MCHR2: variants seen among roughly 807,000 people sequenced by gnomAD.
MCHR2 encodes melanin concentrating hormone receptor 2, also known as melanin-concentrating hormone receptor 2.
In MCHR2, 15 loss-of-function variants were observed where a neutral mutation model predicts 24.8. That is an observed-to-expected ratio of 0.60 (90% confidence interval 0.40 to 0.93). The LOEUF is 0.93. Ranked by LOEUF, MCHR2 falls within the 40% of genes least tolerant of loss-of-function variation. The probability of loss-of-function intolerance (pLI) is 0.00; values close to 1 mark genes in which losing one functional copy is unlikely to be tolerated. For missense variants in MCHR2, 386 were observed against 408.7 expected, an observed-to-expected ratio of 0.94 and a Z score of 0.48; for synonymous variants, 151 against 147.6, an observed-to-expected ratio of 1.02 and a Z score of -0.17.
At chr6:99,957,984 A>G (rs891605897) in intron 1 of MCHR2, among the ~76,000 whole-genome samples, 1 of 152,098 alleles carries the variant, frequency 6.6e-6, no homozygotes, top group Non-Finnish European at 1.5e-5. Context: ...AGATGATAAC[A>G]TACTACTTCT....
At chr6:99,930,228 C>T (rs1435612279) in intron 5 of MCHR2, among the ~76,000 whole-genome samples, 1 of 152,096 alleles carries the variant, frequency 6.6e-6, no homozygotes, top group East Asian at 1.9e-4. Context: ...TGATGGGCTT[C>T]CCTTTGTGGG....
chr6:99,972,369 C>G (rs1775444355), intron 1 of MCHR2, among the ~76,000 whole-genome samples: 2 of 152,192 alleles, frequency 1.3e-5, no homozygotes, highest in Non-Finnish European at 2.9e-5. Flanking sequence ...GTAGTATTCT[C>G]TGATGGTAGT....
At chr6:99,993,546 G>A (rs114428423) in intron 1 of MCHR2, among the ~76,000 whole-genome samples, 1,848 of 152,030 alleles carry the variant, frequency 0.012, 54 homozygotes, top group East Asian at 0.12. Flanking sequence ...CCTCGCCTTC[G>A]CCACTTCAGT....
intron 1 of MCHR2, among the ~76,000 whole-genome samples, chr6:99,965,684 A>C (rs185421415): frequency 4.6e-4 from 70 of 152,262 alleles, no homozygotes; most frequent in South Asian, 1.2e-3. Flanking sequence ...TTTTTTAAGC[A>C]CTTCTATAAG....
chr6:99,954,162 G>C (rs1775016184), intron 2 of MCHR2, among the ~76,000 whole-genome samples: 1 of 152,082 alleles, frequency 6.6e-6, no homozygotes, highest in Non-Finnish European at 1.5e-5. Flanking sequence ...GGAGGAAATA[G>C]CCTTGGATTC....
At chr6:99,968,893 T>G (rs943746792) in intron 1 of MCHR2, among the ~76,000 whole-genome samples, 2 of 152,030 alleles carry the variant, frequency 1.3e-5, no homozygotes, top group African/African-American at 4.8e-5. Context: ...CAGATAAGTC[T>G]GAAGGGAAAT....
chr6:99,977,333 A>G (rs1775570511), intron 1 of MCHR2, among the ~76,000 whole-genome samples: 1 of 152,192 alleles, frequency 6.6e-6, no homozygotes, highest in African/African-American at 2.4e-5. Context: ...GATTCTTAGG[A>G]AACCTCCAGT....
intron 2 of MCHR2, among the ~76,000 whole-genome samples, chr6:99,949,319 G>C (rs1336412800): frequency 6.6e-6 from 1 of 152,064 alleles, no homozygotes; most frequent in Non-Finnish European, 1.5e-5. Context: ...ACAAGTACAA[G>C]GACAAGAAGC....
intron 5 of MCHR2, among the ~76,000 whole-genome samples, chr6:99,931,157 C>T (rs189417166): frequency 2.2e-3 from 341 of 152,286 alleles, no homozygotes; most frequent in African/African-American, 7.8e-3. Context: ...ACCGGATTTT[C>T]GTGAACCGCG....
intron 5 of MCHR2, among the ~76,000 whole-genome samples, chr6:99,927,813 T>C (rs1052277543): frequency 6.6e-6 from 1 of 152,200 alleles, no homozygotes; most frequent in Non-Finnish European, 1.5e-5. Context: ...CTTTTCCTAA[T>C]TGAATACACT....
intron 1 of MCHR2, among the ~76,000 whole-genome samples, chr6:99,957,447 C>T (rs2114543933): frequency 6.6e-6 from 1 of 152,146 alleles, no homozygotes; most frequent in African/African-American, 2.4e-5. Flanking sequence ...TGTCATGTTA[C>T]TTTGATAATT....
intron 3 of MCHR2, among the ~76,000 whole-genome samples, chr6:99,946,487 G>T (rs891338350): frequency 2.0e-5 from 3 of 152,106 alleles, no homozygotes; most frequent in Non-Finnish European, 4.4e-5. Context: ...GGTGAAAGAG[G>T]CAGGGTTCAG....
At position 99,929,422 on chromosome 6, in the gene MCHR2, A is replaced by G. The variant is rs150455787; in HGVS notation, c.707+4976T>C. 5.6e-3 allele frequency among the ~76,000 whole-genome samples: 857 copies of G among 152,184 alleles called. 6 individuals carry two copies. Among genetic ancestry groups the G allele is most frequent in the African/African-American group, 0.02 (823 of 41,494 alleles). On this transcript the variant is annotated intron_variant, in intron 5 of 5. Transcript: ENST00000281806. ...AACTTTCTGTCTCATTGATCTGTCT[A>G]ATGTTGACAGTAGGGTGTTAAAGTC...
chr6:99,937,523 T>C (rs1418798693), intron 4 of MCHR2, among the ~76,000 whole-genome samples: 3 of 152,064 alleles, frequency 2.0e-5, no homozygotes, highest in Admixed American at 6.6e-5. Context: ...GATTTGTGTA[T>C]GGTGAACCAT....
At chr6:99,974,307 A>G (rs527489489) in intron 1 of MCHR2, among the ~76,000 whole-genome samples, 15 of 151,958 alleles carry the variant, frequency 9.9e-5, no homozygotes, top group African/African-American at 3.4e-4. Flanking sequence ...CATTTCATTC[A>G]TTTCATCTTC....
chr6:99,979,776 T>C (rs1017300355), intron 1 of MCHR2, among the ~76,000 whole-genome samples: 26 of 152,202 alleles, frequency 1.7e-4, no homozygotes, highest in African/African-American at 5.5e-4. Context: ...ATTATTTACA[T>C]TGTTGCTATT....
intron 1 of MCHR2, among the ~76,000 whole-genome samples, chr6:99,984,614 G>A (rs527943248): frequency 1.7e-4 from 26 of 152,058 alleles, no homozygotes; most frequent in South Asian, 6.2e-4. Context: ...AAAGCATTCC[G>A]TAAAATCTAG....
intron 1 of MCHR2, among the ~76,000 whole-genome samples, chr6:99,972,249 G>C (rs1382632722): frequency 1.3e-5 from 2 of 152,036 alleles, no homozygotes; most frequent in African/African-American, 4.8e-5. Flanking sequence ...GCCTGTTATT[G>C]GTCTATTCAG....
intron 4 of MCHR2, among the ~76,000 whole-genome samples, chr6:99,942,142 G>T (rs1387417784): frequency 6.6e-6 from 1 of 152,128 alleles, no homozygotes; most frequent in African/African-American, 2.4e-5. Flanking sequence ...AGTTGCATTA[G>T]TTTCCTAGGA....
Sources: allele counts gnomAD v4.1 joint callset (sites outside exome capture counted in the v4.1 genomes callset), GRCh38; gene constraint gnomAD v4.1.1; transcripts MANE v1.5; gene names NCBI Gene and HGNC (gene_info 2026-07-23, HGNC 2026-07-21).